TESMIN: variants seen among roughly 807,000 people sequenced by gnomAD.
TESMIN encodes testis expressed metallothionein like protein.
Under a neutral mutation model 47.4 loss-of-function variants are expected in TESMIN, and 34 were observed. That is an observed-to-expected ratio of 0.72 (90% CI 0.55 to 0.96). The LOEUF is 0.96. TESMIN is among the 40% of genes least tolerant of loss of function. The pLI is 0.00. For synonymous variants in TESMIN, 278 were observed against 258.9 expected (o/e 1.07, Z -0.71); for missense variants, 610 against 637.2 (o/e 0.96, Z 0.46).
chr11:68,708,750 G>A lies in TESMIN; in HGVS notation c.1335-250C>T, dbSNP rs559966134. Among the ~76,000 whole-genome samples, 21 of 134,402 alleles carry A rather than the reference G, an allele frequency of 1.6e-4. No individual in the cohort carries two copies. The East Asian group carries it at 4.0e-3, about 26-fold the overall frequency. 88.2% of individuals were successfully genotyped at this position (134,402 alleles called of 152,430 possible). A position where few individuals can be genotyped will look rare whatever the true frequency, so the allele number is the denominator to read the frequency against. ...GTTTGAGACCAGCCTGGGCAACAAA[G>A]TGAGACCCTTTTTTTTTTTTTGATA... On this transcript the variant is annotated intron_variant, in intron 9 of 9. Coordinates refer to ENST00000255087, the MANE Select transcript of TESMIN (RefSeq NM_004923.3).
downstream of TESMIN, among the ~76,000 whole-genome samples, chr11:68,706,308 G>A (rs991536652): frequency 6.6e-6 from 1 of 152,188 alleles, no homozygotes; most frequent in Non-Finnish European, 1.5e-5. Flanking sequence ...TGCAGGGCTC[G>A]TGCCTGCCCA....
intron 3 of TESMIN, among the ~76,000 whole-genome samples, chr11:68,746,517 AAT>A (rs1264522289): frequency 2.0e-5 from 3 of 152,156 alleles, no homozygotes. Context: ...CATTTCTAGG[AAT>A]AAAGAATTGC....
rs909108343 is a variant in TESMIN, at chr11:68,738,548, T to A, written c.917+152A>T. On this transcript the variant is annotated intron_variant, in intron 6 of 9. Coordinates refer to ENST00000255087, the MANE Select transcript of TESMIN (RefSeq NM_004923.3). ...AAACCAGACACAGACAGCAACACCG[T>A]TAGTGGCATTGCTGATGGTAAAAAC... The A allele has an allele frequency of 2.9e-5, 42 of 1,426,826 alleles. No homozygotes were observed. In the African/African-American group the frequency reaches 5.8e-4, roughly 20 times the overall value. The allele number at this position is 1,426,826 out of a possible 1,614,324, so 88.4% of individuals were successfully genotyped here.
intron 6 of TESMIN, among the ~76,000 whole-genome samples, chr11:68,728,873 G>A (rs1392668357): frequency 1.3e-5 from 2 of 152,120 alleles, no homozygotes; most frequent in African/African-American, 4.8e-5. Flanking sequence ...TAAGTCCACC[G>A]TGAAGACCTA....
In TESMIN at chr11:68,744,306, C is replaced by T. The variant is rs75241946; in HGVS notation, c.751+685G>A. ...CTCAAGATCTAGGGTAATGTGATTA[C>T]GTGCAGTCCCCATAGAGAGGCCTAA... On this transcript the variant is annotated intron_variant, in intron 4 of 9. Coordinates refer to ENST00000255087, the MANE Select transcript of TESMIN (RefSeq NM_004923.3). Among the ~76,000 whole-genome samples the T allele has an allele frequency of 8.5e-3, 1,300 of 152,272 alleles. 19 individuals carry two copies. The highest frequency in any genetic ancestry group is 0.03 in the African/African-American group (1,249 of 41,536).
At chr11:68,719,350 G>A (rs1946178181) in intron 6 of TESMIN, among the ~76,000 whole-genome samples, 1 of 152,166 alleles carries the variant, frequency 6.6e-6, no homozygotes, top group Non-Finnish European at 1.5e-5. Context: ...GGCTCAGCAG[G>A]GACCAGAGTT....
chr11:68,717,949 A>G (rs917364562), intron 6 of TESMIN, among the ~76,000 whole-genome samples: 3 of 152,212 alleles, frequency 2.0e-5, no homozygotes, highest in Non-Finnish European at 4.4e-5. Flanking sequence ...GAGACTAGAA[A>G]AGCCTCCTCT....
chr11:68,712,778 G>C (rs1200088399), intron 8 of TESMIN, among the ~76,000 whole-genome samples: 1 of 152,232 alleles, frequency 6.6e-6, no homozygotes, highest in East Asian at 1.9e-4. Flanking sequence ...GTGAGCCAGG[G>C]AGGAGCTACC....
chr11:68,738,321 T>C (rs1594298751), intron 6 of TESMIN: 1 of 1,015,952 alleles, frequency 9.8e-7, no homozygotes, highest in East Asian at 1.0e-4. Flanking sequence ...CCCCCGTTCA[T>C]GCTGCATGGC....
intron 6 of TESMIN, among the ~76,000 whole-genome samples, chr11:68,725,325 A>T (rs376481384): frequency 1.6e-4 from 24 of 152,248 alleles, no homozygotes; most frequent in African/African-American, 5.3e-4. Flanking sequence ...GGTGATTTAA[A>T]GCTCAATGAC....
intron 5 of TESMIN, among the ~76,000 whole-genome samples, chr11:68,741,824 G>A (rs1354216577): frequency 6.6e-6 from 1 of 152,226 alleles, no homozygotes; most frequent in African/African-American, 2.4e-5. Context: ...GTGGCTGGAC[G>A]TCTACGCTGG....
chr11:68,740,998 CCT>C (rs1158465487), intron 5 of TESMIN, among the ~76,000 whole-genome samples: 2 of 152,070 alleles, frequency 1.3e-5, no homozygotes, highest in South Asian at 2.1e-4. Context: ...ATCCTTGACT[CCT>C]CTCTTTCTCT....
In TESMIN at chr11:68,711,130, T is replaced by C. The variant is rs1335935389; in HGVS notation, c.1159-81A>G. 4.9e-6 allele frequency: 6 copies of C among 1,226,068 alleles called. No individual in the cohort carries two copies. The East Asian group carries it at 1.4e-4, about 29-fold the overall frequency. The allele number at this position is 1,226,068 out of a possible 1,614,324, so 75.9% of individuals were successfully genotyped here. ...TGACAAATTCTATTTGGACCTTAAA[T>C]AATTCTTCGCGTATATTTGCCCATG... On this transcript the variant is annotated intron_variant, in intron 8 of 9. Transcript: ENST00000255087.
chr11:68,716,074 G>C (rs1483928617), intron 6 of TESMIN, 135 bp from the exon 7 acceptor site: 1 of 614,960 alleles, frequency 1.6e-6, no homozygotes, highest in Non-Finnish European at 2.9e-6. Context: ...AGACGGCTCA[G>C]ACTCCTTTTA....
At chr11:68,749,419 T>G (rs1035036620) in intron 2 of TESMIN, among the ~76,000 whole-genome samples, 4 of 152,224 alleles carry the variant, frequency 2.6e-5, no homozygotes, top group African/African-American at 9.6e-5. Context: ...CATCTACAAC[T>G]TACTAAAATG....
chr11:68,715,347 CT>C (rs372709489), intron 7 of TESMIN, among the ~76,000 whole-genome samples: 349 of 152,324 alleles, frequency 2.3e-3, no homozygotes, highest in African/African-American at 8.0e-3. Context: ...TTTTGCGTCT[CT>C]GGGAAAACCT....
At chr11:68,736,041 T>C (rs1263733264) in intron 6 of TESMIN, 2 of 967,370 alleles carry the variant, frequency 2.1e-6, no homozygotes, top group Non-Finnish European at 2.5e-6. Flanking sequence ...TTAGAAGAGA[T>C]GTGGACAACT....
chr11:68,717,317 C>A (rs115003352), intron 6 of TESMIN, among the ~76,000 whole-genome samples: 3 of 152,134 alleles, frequency 2.0e-5, no homozygotes, highest in Non-Finnish European at 4.4e-5. Context: ...CCTAGGGACC[C>A]GGAGCTTGGG....
chr11:68,710,110 A>T (rs1045265174), intron 9 of TESMIN, among the ~76,000 whole-genome samples: 3 of 152,172 alleles, frequency 2.0e-5, no homozygotes, highest in Admixed American at 1.3e-4. Flanking sequence ...GTGAGCTGTG[A>T]TCGCACCACT....
Sources: gnomAD v4.1 joint callset for allele counts (sites outside exome capture counted in the v4.1 genomes callset) on GRCh38, gnomAD v4.1.1 for gene constraint, MANE v1.5 for transcripts, NCBI Gene and HGNC (gene_info 2026-07-23, HGNC 2026-07-21) for gene names.